Variants in CTNNA3 observed in about 807,000 individuals in gnomAD.
The protein encoded by CTNNA3 is catenin alpha 3, also known as catenin alpha-3.
In CTNNA3, 76 loss-of-function variants were observed where a neutral mutation model predicts 95.7. The observed-to-expected ratio is 0.79, with a 90% CI of 0.66 to 0.96. The LOEUF is 0.96. Ranked by LOEUF, CTNNA3 falls within the 40% of genes least tolerant of loss-of-function variation. The probability of loss-of-function intolerance (pLI) is 0.00; values close to 1 mark genes in which losing one functional copy is unlikely to be tolerated. For missense variants in CTNNA3, 1,191 were observed against 1,089.8 expected, an observed-to-expected ratio of 1.09 and a Z score of -1.31; for synonymous variants, 431 against 374.4, an observed-to-expected ratio of 1.15 and a Z score of -1.74.
chr10:67,239,879 G>A (rs1174513395), intron 5 of CTNNA3, among the ~76,000 whole-genome samples: 1 of 152,056 alleles, frequency 6.6e-6, no homozygotes, highest in Non-Finnish European at 1.5e-5. Context: ...AGAAAAAAAA[G>A]TCTGAAATAT....
chr10:66,542,829 T>C (rs1841904192), intron 10 of CTNNA3, among the ~76,000 whole-genome samples: 2 of 151,874 alleles, frequency 1.3e-5, no homozygotes, highest in African/African-American at 2.4e-5. Context: ...ATGGCACATG[T>C]ATACATATGT....
intron 1 of CTNNA3, among the ~76,000 whole-genome samples, chr10:67,751,712 C>A (rs1356885958): frequency 6.6e-6 from 1 of 151,804 alleles, no homozygotes; most frequent in African/African-American, 2.4e-5. Flanking sequence ...ACTAGAAAAT[C>A]TAGAAGAAAT....
chr10:66,726,329 T>A (rs141004075), intron 9 of CTNNA3, among the ~76,000 whole-genome samples: 108 of 152,182 alleles, frequency 7.1e-4, no homozygotes, highest in African/African-American at 2.4e-3. Flanking sequence ...TAATTCAAAA[T>A]GTAAAGCCAA....
At position 66,682,703 on chromosome 10, in the gene CTNNA3, G is replaced by T. The variant is rs556750602; in HGVS notation, c.1282-60919C>A. 2.0e-3 allele frequency among the ~76,000 whole-genome samples: 290 copies of T among 144,752 alleles called. 4 individuals carry two copies. Among genetic ancestry groups the T allele is most frequent in the African/African-American group, 6.5e-3 (253 of 38,654 alleles). 95.0% of individuals were successfully genotyped at this position (144,752 alleles called of 152,430 possible). On this transcript the variant is annotated intron_variant, in intron 9 of 17. Transcript: ENST00000433211. ...TCAGGTTTTATTTTAGATTCAGGGGGTACATGTACAGGTTTGTTATATGGG... is the reference window on the plus strand; with the variant it reads ...TCAGGTTTTATTTTAGATTCAGGGGTTACATGTACAGGTTTGTTATATGGG...
At chr10:65,938,618 A>T (rs2077379341) in intron 17 of CTNNA3, among the ~76,000 whole-genome samples, 1 of 152,074 alleles carries the variant, frequency 6.6e-6, no homozygotes, top group Admixed American at 6.6e-5. Context: ...AATTTAGTTA[A>T]CCTTTGTGGC....
At chr10:66,174,158 C>A (rs1307593644) in intron 13 of CTNNA3, among the ~76,000 whole-genome samples, 6 of 152,144 alleles carry the variant, frequency 3.9e-5, no homozygotes, top group Non-Finnish European at 2.9e-5. Context: ...CAAGCTCACA[C>A]AGCTAGAAAA....
intron 11 of CTNNA3, among the ~76,000 whole-genome samples, chr10:66,517,180 C>A (rs1840891849): frequency 6.6e-6 from 1 of 151,972 alleles, no homozygotes; most frequent in South Asian, 2.1e-4. Flanking sequence ...AAGATTGCGC[C>A]ACTGCACTCA....
intron 11 of CTNNA3, among the ~76,000 whole-genome samples, chr10:66,502,012 G>T (rs757825098): frequency 1.3e-5 from 2 of 152,068 alleles, no homozygotes; most frequent in Non-Finnish European, 2.9e-5. Context: ...ATCTTTTATG[G>T]ATGCTTGAAA....
At chr10:66,019,655 T>C (rs201056130) in intron 15 of CTNNA3, among the ~76,000 whole-genome samples, 3 of 151,864 alleles carry the variant, frequency 2.0e-5, no homozygotes, top group East Asian at 3.9e-4. Flanking sequence ...AAAAAGAATA[T>C]GAGAAAAGGA....
chr10:66,800,215 G>A (rs530818763), intron 7 of CTNNA3, among the ~76,000 whole-genome samples: 1 of 151,282 alleles, frequency 6.6e-6, no homozygotes, highest in South Asian at 2.1e-4. Context: ...CATGTACTCT[G>A]CTTATATTTT....
chr10:67,322,649 G>A (rs1406233478), intron 5 of CTNNA3, among the ~76,000 whole-genome samples: 1 of 152,116 alleles, frequency 6.6e-6, no homozygotes, highest in Non-Finnish European at 1.5e-5. Flanking sequence ...TTTATTCCAT[G>A]TCTTTGCTAT....
At chr10:66,199,917 G>T (rs2087283307) in intron 13 of CTNNA3, among the ~76,000 whole-genome samples, 1 of 144,048 alleles carries the variant, frequency 6.9e-6, no homozygotes, top group Non-Finnish European at 1.5e-5. Context: ...CTCCCGAAGT[G>T]CTGGGATTAC....
intron 11 of CTNNA3, among the ~76,000 whole-genome samples, chr10:66,415,215 A>G (rs7092415): frequency 0.35 from 52,418 of 151,822 alleles, 9,780 homozygotes; most frequent in African/African-American, 0.48. Flanking sequence ...AGGTTTCCCC[A>G]TCATCCCCAT....
intron 5 of CTNNA3, among the ~76,000 whole-genome samples, chr10:67,408,973 CAT>C (rs746874160): frequency 1.4e-4 from 20 of 145,614 alleles, no homozygotes; most frequent in Admixed American, 6.9e-4. Context: ...GGCCAACAAA[CAT>C]GTGAAAAAAA....
chr10:67,369,987 A>C (rs1030408926), intron 5 of CTNNA3, among the ~76,000 whole-genome samples: 1 of 152,166 alleles, frequency 6.6e-6, no homozygotes, highest in African/African-American at 2.4e-5. Flanking sequence ...CATGCCTATG[A>C]AGTTGTATAT....
chr10:67,314,907 C>T (rs191526548), intron 5 of CTNNA3, among the ~76,000 whole-genome samples: 2 of 152,186 alleles, frequency 1.3e-5, no homozygotes, highest in Non-Finnish European at 2.9e-5. Context: ...CAAATGACTT[C>T]TAAGTGGCCC....
intron 6 of CTNNA3, among the ~76,000 whole-genome samples, chr10:67,189,971 A>G (rs1863044620): frequency 6.6e-6 from 1 of 152,216 alleles, no homozygotes; most frequent in Non-Finnish European, 1.5e-5. Context: ...AACCAATTCA[A>G]ATAGTGATGT....
At chr10:66,461,622 T>A (rs80179117) in intron 11 of CTNNA3, among the ~76,000 whole-genome samples, 6,552 of 150,908 alleles carry the variant, frequency 0.043, 381 homozygotes, top group East Asian at 0.23. Context: ...GCATCTTATA[T>A]AATAAGGAGA....
chr10:67,558,522 T>A (rs182107055), intron 3 of CTNNA3, among the ~76,000 whole-genome samples: 131 of 152,288 alleles, frequency 8.6e-4, no homozygotes, highest in Middle Eastern at 6.8e-3. Flanking sequence ...GATGGCCGAA[T>A]AGGAACAGCG....
Sources: gnomAD v4.1 joint callset for allele counts (sites outside exome capture counted in the v4.1 genomes callset) on GRCh38, gnomAD v4.1.1 for gene constraint, MANE v1.5 for transcripts, NCBI Gene and HGNC (gene_info 2026-07-23, HGNC 2026-07-21) for gene names.